Variants in RETSAT observed in about 807,000 individuals in gnomAD.
The protein encoded by RETSAT is retinol saturase.
RETSAT carries 35 observed loss-of-function variants against 61.6 expected under a neutral mutation model. That is an observed-to-expected ratio of 0.57 (90% CI 0.43 to 0.75). The LOEUF (loss-of-function observed/expected upper bound fraction) is 0.75, where lower values mean the gene tolerates loss of function less well. Ranked by LOEUF, RETSAT falls within the 30% of genes least tolerant of loss-of-function variation. The pLI is 0.00. For missense variants in RETSAT, 670 were observed against 759.5 expected (o/e 0.88, Z 1.38); for synonymous variants, 277 against 310.4 (o/e 0.89, Z 1.13).
intron 6 of RETSAT, 22 bp from the exon 7 acceptor site, chr2:85,344,754 G>T: frequency 6.2e-7 from 1 of 1,612,810 alleles, no homozygotes; most frequent in Non-Finnish European, 8.5e-7. Flanking sequence ...AGTGGTTGGT[G>T]CCTGTGTGGA....
rs765091104 is a variant in RETSAT, at chr2:85,346,028, C to A, written c.1064G>T (p.Gly355Val). The A allele has an allele frequency of 5.6e-6, 9 of 1,614,028 alleles. No homozygotes were observed. Among genetic ancestry groups the A allele is most frequent in the South Asian group, 5.5e-5 (5 of 91,088 alleles). Residue 355 changes from glycine to valine, a missense_variant, in exon 6 of 11, where the codon GGA becomes GTA. Transcript: ENST00000295802. ...IYCPIVVSNA[G>V]LFNTYEHLLP... ...TAGGTGTTCATAGGTGTTGAACAGT[C>A]CTGCGTTGGAGACCACGATGGGGCA...
intron 5 of RETSAT, among the ~76,000 whole-genome samples, chr2:85,347,240 T>C (rs1487616118): frequency 6.6e-6 from 1 of 152,146 alleles, no homozygotes; most frequent in Non-Finnish European, 1.5e-5. Context: ...GAATGCTTTT[T>C]CTTTTTTAAG....
chr2:85,343,297 T>C lies in RETSAT; in HGVS notation c.1778A>G (p.Tyr593Cys), dbSNP rs1287814294. 4.3e-6 allele frequency: 7 copies of C among 1,614,296 alleles called. No individual in the cohort carries two copies. The South Asian group carries it at 7.7e-5, about 18-fold the overall frequency. Residue 593 changes from tyrosine (Y) to cysteine (C), a missense_variant, in exon 11 of 11, where the codon TAC becomes TGC. Tyr to Cys is a radical substitution (Grantham distance 194). Transcript: ENST00000295802. ...CSSAILKRNL[Y>C]SDLKNLDSRI... ...AGAATCAAGATTCTTAAGGTCTGAG[T>C]ACAAGTTCCGCTTCAGGATGGCGCT...
intron 5 of RETSAT, 52 bp downstream of exon 5, chr2:85,349,331 TC>T (rs1683259009): frequency 1.0e-5 from 15 of 1,504,998 alleles, no homozygotes; most frequent in East Asian, 9.6e-5. Flanking sequence ...ACCCCAGGTC[TC>T]GCCCACACCA....
In RETSAT at chr2:85,344,361, A is replaced by G. The variant is rs767581022; in HGVS notation, c.1257-13T>C. ...GTAGCGCTCCATCCTGCATGTGACA[A>G]GAGTGTGGTGGGATCTCCAGGTTTT... On this transcript the variant is annotated splice_polypyrimidine_tract_variant and intron_variant, in intron 7 of 10. Coordinates refer to ENST00000295802, the MANE Select transcript of RETSAT (RefSeq NM_017750.4). 4.3e-6 allele frequency: 7 copies of G among 1,612,938 alleles called. No individual in the cohort carries two copies. In the African/African-American group the frequency reaches 9.3e-5, roughly 22 times the overall value.
intron 5 of RETSAT, 119 bp from the exon 6 acceptor site, chr2:85,346,213 C>T: frequency 3.6e-6 from 5 of 1,370,442 alleles, no homozygotes; most frequent in Non-Finnish European, 5.0e-6. Flanking sequence ...GTCCAGCTAC[C>T]TAGACTCAGG....
At chr2:85,351,481 G>A in intron 2 of RETSAT, 199 bp downstream of exon 2, 1 of 555,812 alleles carries the variant, frequency 1.8e-6, no homozygotes. Flanking sequence ...AGAGGTTACA[G>A]TAAGCTGGGA....
intron 6 of RETSAT, chr2:85,345,751 T>C (rs1214671821): frequency 3.0e-6 from 2 of 676,642 alleles, no homozygotes; most frequent in Non-Finnish European, 5.4e-6. Flanking sequence ...CCCTTTCAGC[T>C]GAGTGGCCTC....
chr2:85,350,716 C>T (rs1376812577), intron 3 of RETSAT, 64 bp downstream of exon 3: 18 of 1,600,132 alleles, frequency 1.1e-5, no homozygotes, highest in Middle Eastern at 1.7e-4. Flanking sequence ...AGTGCCTCCA[C>T]TAATAATAAA....
intron 2 of RETSAT, 76 bp downstream of exon 2, chr2:85,351,604 T>C: frequency 7.1e-7 from 1 of 1,406,684 alleles, no homozygotes; most frequent in Non-Finnish European, 9.8e-7. Context: ...AAATGCTCAG[T>C]ATCACCCCAC....
chr2:85,347,888 G>A (rs1683227851), intron 5 of RETSAT, among the ~76,000 whole-genome samples: 1 of 152,134 alleles, frequency 6.6e-6, no homozygotes. Context: ...TCAGATCACT[G>A]ATGGCCTTTT....
Position 85,343,264 on chromosome 2 carries a change from C to T in RETSAT, c.1811G>A (p.Arg604Gln), listed in dbSNP as rs759008297. The T allele has an allele frequency of 1.8e-5, 29 of 1,614,112 alleles. No individual in the cohort carries two copies. The highest frequency in any genetic ancestry group is 1.6e-4 in the Middle Eastern group (1 of 6,084). The change falls in exon 11 of 11, where the codon CGG becomes CAG. Residue 604 changes from arginine to glutamine, a missense_variant. Arg to Gln is a conservative substitution (Grantham distance 43, BLOSUM62 1). Coordinates refer to ENST00000295802, the MANE Select transcript of RETSAT (RefSeq NM_017750.4). ...SDLKNLDSRI[R>Q]AQKKKN ...GAACTAATTCTTTTTCTTCTGTGCC[C>T]GGATCCTAGAATCAAGATTCTTAAG...
intron 3 of RETSAT, 95 bp from the exon 4 acceptor site, chr2:85,350,336 A>G (rs1286428199): frequency 1.1e-6 from 1 of 898,658 alleles, no homozygotes; most frequent in Non-Finnish European, 1.8e-6. Context: ...GAATCCAGCA[A>G]CACTTACCCC....
chr2:85,344,082 T>C lies in RETSAT; in HGVS notation c.1450A>G (p.Ser484Gly), dbSNP rs776039142. ...WQAELKGKRG[S>G]DYETFKNSFV... ...GAGTTTTTGAAGGTCTCATAGTCAC[T>C]GCCCCGCTTTCCCTTCAGCTCCGCC... Residue 484 changes from serine to glycine, a missense_variant, in exon 9 of 11, where the codon AGT (serine) becomes GGT (glycine). Transcript: ENST00000295802. The C allele has an allele frequency of 1.2e-6, 2 of 1,614,102 alleles. No individual in the cohort carries two copies. The highest frequency in any genetic ancestry group is 2.2e-5 in the South Asian group (2 of 91,080).
In RETSAT at chr2:85,344,746, T is replaced by C. The variant is rs773246782; in HGVS notation, c.1118-14A>G. 4.3e-6 allele frequency: 7 copies of C among 1,612,930 alleles called. No homozygotes were observed. In the South Asian group the frequency reaches 6.6e-5, roughly 15 times the overall value. ...GCTGCTTCACACCTGCCAGGGGGAG[T>C]GGTTGGTGCCTGTGTGGACCATGGC... On this transcript the variant is annotated splice_polypyrimidine_tract_variant and intron_variant, in intron 6 of 10. Coordinates refer to ENST00000295802, the MANE Select transcript of RETSAT (RefSeq NM_017750.4).
intron 4 of RETSAT, 46 bp downstream of exon 4, chr2:85,349,994 C>T: frequency 6.4e-7 from 1 of 1,562,488 alleles, no homozygotes; most frequent in Non-Finnish European, 8.8e-7. Flanking sequence ...GAGAGGGCAG[C>T]CGTTCCTCCT....
Position 85,344,336 on chromosome 2 carries a change from G to A in RETSAT, c.1269C>T (p.Tyr423=), listed in dbSNP as rs150650093. 1.3e-3 allele frequency: 2,051 copies of A among 1,613,790 alleles called. 19 individuals carry two copies. The highest frequency in any genetic ancestry group is 2.4e-3 in the South Asian group (219 of 91,074). ...DTDMDQAMER[Y]VSMPREEAAE... is the part of the protein sequence containing the mutation. ...CAGCCTCTTCCCTGGGCATGGAGAC[G>A]TAGCGCTCCATCCTGCATGTGACAA... The change falls in exon 8 of 11, where the codon TAC becomes TAT. Residue 423 remains tyrosine (Y), a synonymous_variant. Coordinates refer to ENST00000295802, the MANE Select transcript of RETSAT (RefSeq NM_017750.4).
intron 6 of RETSAT, among the ~76,000 whole-genome samples, 178 bp from the exon 7 acceptor site, chr2:85,344,910 G>C (rs1035505202): frequency 1.3e-5 from 2 of 152,174 alleles, no homozygotes; most frequent in African/African-American, 4.8e-5. Context: ...GTGTTCAGGA[G>C]GAAAATTCAT....
At chr2:85,347,460 C>T (rs1490798288) in intron 5 of RETSAT, among the ~76,000 whole-genome samples, 3 of 152,210 alleles carry the variant, frequency 2.0e-5, no homozygotes, top group Non-Finnish European at 4.4e-5. Flanking sequence ...AACTCCTGAC[C>T]TTGTGATCCA....
Sources: gnomAD v4.1 joint callset for allele counts (sites outside exome capture counted in the v4.1 genomes callset) on GRCh38, gnomAD v4.1.1 for gene constraint, MANE v1.5 for transcripts, NCBI Gene and HGNC (gene_info 2026-07-23, HGNC 2026-07-21) for gene names.